The following XIST variants were observed in gnomAD, a reference collection of about 807,000 sequenced individuals.
XIST encodes X inactive specific transcript (non-protein coding).
exon 1 of XIST, chrX:73,850,653 T>C (rs1247884191): frequency 1.1e-5 from 5 of 473,267 alleles, no homozygotes; most frequent in Non-Finnish European, 1.9e-5. Flanking sequence ...GCACTGCCCA[T>C]GGCAACAGTG....
chrX:73,837,955 C>T (rs959391650), intron 1 of XIST, among the ~76,000 whole-genome samples: 1 of 110,788 alleles, frequency 9.0e-6, no homozygotes, highest in African/African-American at 3.3e-5. Context: ...ACCAGGTATC[C>T]GTAATATCAA....
At chrX:73,830,777 T>A (rs1922364515) in intron 4 of XIST, among the ~76,000 whole-genome samples, 1 of 111,787 alleles carries the variant, frequency 8.9e-6, no homozygotes, top group Non-Finnish European at 1.9e-5. Context: ...GATGTGACAG[T>A]TGTCCATGTT....
At chrX:73,850,311 T>TA in exon 1 of XIST, 1 of 548,411 alleles carries the variant, frequency 1.8e-6, no homozygotes, top group Non-Finnish European at 3.3e-6. Context: ...AATGAGAAGC[T>TA]AAAAACTTTA....
exon 1 of XIST, chrX:73,848,793 A>G (rs1164753075): frequency 1.8e-6 from 1 of 558,965 alleles, no homozygotes; most frequent in Admixed American, 2.2e-5. Flanking sequence ...CTCAGCAGCA[A>G]TGGCAAAGAG....
chrX:73,849,113 A>G, exon 1 of XIST: 1 of 559,471 alleles, frequency 1.8e-6, no homozygotes, highest in East Asian at 3.2e-5. Flanking sequence ...TCAGGTAGTC[A>G]GCGCTGCCTC....
chrX:73,852,141 G>A (rs1438600159), exon 1 of XIST: 2 of 528,925 alleles, frequency 3.8e-6, no homozygotes, highest in Non-Finnish European at 6.7e-6. Context: ...AGCCCCGATG[G>A]GCCAAAAAAA....
At chrX:73,826,322 A>T in exon 6 of XIST, 1 of 559,360 alleles carries the variant, frequency 1.8e-6, no homozygotes, top group Non-Finnish European at 3.2e-6. Context: ...ACTGAAATAC[A>T]GTATCACCTA....
chrX:73,842,707 A>G (rs756610761), exon 1 of XIST: 3 of 558,651 alleles, frequency 5.4e-6, no homozygotes, highest in Non-Finnish European at 6.5e-6. Context: ...GGGTTCATGT[A>G]TAATGGGTGG....
exon 5 of XIST, chrX:73,829,188 C>A (rs1168377263): frequency 1.8e-6 from 1 of 557,962 alleles, no homozygotes; most frequent in Non-Finnish European, 3.2e-6. Context: ...CTCTGCACTG[C>A]TTGTAGGAAG....
chrX:73,845,657 A>G, exon 1 of XIST: 1 of 557,444 alleles, frequency 1.8e-6, no homozygotes, highest in South Asian at 2.2e-5. Flanking sequence ...GTAGGACCTT[A>G]TTCAGATGGG....
At position 73,822,515 on chromosome X, in the gene XIST, A is replaced by G. The variant is rs767460737; in HGVS notation, n.17386T>C. On this transcript the variant is annotated non_coding_transcript_exon_variant, in exon 6 of 6. Coordinates refer to ENST00000429829, the Ensembl canonical transcript of XIST. ...GAATATATTTGTAGAATGAATGAAT[A>G]CATGAAAAAAAATAAACAGTAACCT... 5.9e-5 allele frequency: 30 copies of G among 512,262 alleles called. No individual in the cohort carries two copies. In the South Asian group the frequency reaches 7.4e-4, roughly 13 times the overall value. The allele number at this position is 512,262 out of a possible 1,213,427, so 42.2% of individuals were successfully genotyped here. A position where few individuals can be genotyped will look rare whatever the true frequency, so the allele number is the denominator to read the frequency against.
chrX:73,849,919 G>C (rs1389390808), exon 1 of XIST: 6 of 542,621 alleles, frequency 1.1e-5, no homozygotes, highest in Non-Finnish European at 1.7e-5. Context: ...CTAGACTAGG[G>C]GTTTGCTGGG....
chrX:73,833,482 T>C (rs1179037487), intron 2 of XIST: 1 of 437,673 alleles, frequency 2.3e-6, no homozygotes, highest in Non-Finnish European at 4.0e-6. Flanking sequence ...ACTGAAGCAT[T>C]AGACATAGGT....
rs773872717 is a variant in XIST, at chrX:73,850,662, T to G, written n.2062A>C. ...CCTGGAGCACTGCCCATGGCAACAG[T>G]GCAGTGCAGGGCAGACCAGAGGGGG... On this transcript the variant is annotated non_coding_transcript_exon_variant, in exon 1 of 6. Transcript: ENST00000429829. 2.3e-4 allele frequency: 105 copies of G among 454,322 alleles called. No individual in the cohort carries two copies. In the African/African-American group the frequency reaches 2.7e-3, roughly 12 times the overall value. The allele number at this position is 454,322 out of a possible 1,213,427, so 37.4% of individuals were successfully genotyped here.
At chrX:73,850,720 GTGGGGGGTGGGGGGTGGGGGTGGGGAGT>G (rs1234575856) in exon 1 of XIST, 1 of 244,986 alleles carries the variant, frequency 4.1e-6, no homozygotes, top group East Asian at 1.2e-4. Flanking sequence ...GGGTGGGGAG[GTGGGGGGTGGGGGGTGGGGGTGGGGAGT>G]TGGGGGGGTT....
chrX:73,826,737 C>T (rs765574273), exon 6 of XIST: 1 of 558,765 alleles, frequency 1.8e-6, no homozygotes, highest in Non-Finnish European at 3.2e-6. Context: ...TCTTGAGATA[C>T]CTTTTTCGCT....
exon 1 of XIST, chrX:73,845,561 GATAAAT>G (rs1922731888): frequency 1.8e-6 from 1 of 551,129 alleles, no homozygotes; most frequent in Non-Finnish European, 3.3e-6. Flanking sequence ...CAGAAACTGG[GATAAAT>G]ATAATCACAC....
rs1189190644 is a variant in XIST, at chrX:73,846,345, TGA to T, written n.6377_6378del. The T allele has an allele frequency of 7.2e-6, 4 of 557,242 alleles. 1 individual carries two copies. Among genetic ancestry groups the T allele is most frequent in the Middle Eastern group, 6.1e-4 (2 of 3,269 alleles). The allele number at this position is 557,242 out of a possible 1,213,427, so 45.9% of individuals were successfully genotyped here. A position where few individuals can be genotyped will look rare whatever the true frequency, so the allele number is the denominator to read the frequency against. The stretch of plus-strand genomic sequence containing the variant: ...ATTACGCACCTTGACTGTCCAAATG[TGA>T]GAGTCTTATGGAGTGGGCACTCCCT... On this transcript the variant is annotated non_coding_transcript_exon_variant, in exon 1 of 6. Transcript: ENST00000429829.
chrX:73,828,234 C>T, intron 5 of XIST: 1 of 317,954 alleles, frequency 3.1e-6, no homozygotes, highest in Non-Finnish European at 5.4e-6. Context: ...GGATTTCTTA[C>T]ATAGAACCAA....
Sources: gnomAD v4.1 joint callset for allele counts (sites outside exome capture counted in the v4.1 genomes callset) on GRCh38, gnomAD v4.1.1 for gene constraint, MANE v1.5 for transcripts, NCBI Gene and HGNC (gene_info 2026-07-23, HGNC 2026-07-21) for gene names.